MAGI1: variants seen among roughly 807,000 people sequenced by gnomAD.
MAGI1 encodes membrane associated guanylate kinase, WW and PDZ domain containing 1.
MAGI1 carries 58 observed loss-of-function variants against 139.9 expected under a neutral mutation model. That is an observed-to-expected ratio of 0.41 (90% CI 0.34 to 0.52). The LOEUF (loss-of-function observed/expected upper bound fraction) is 0.52, where lower values mean the gene tolerates loss of function less well. Ranked by LOEUF, MAGI1 falls within the 20% of genes least tolerant of loss-of-function variation. MAGI1 has a pLI of 0.12. For synonymous variants in MAGI1, 812 were observed against 737.9 expected, an observed-to-expected ratio of 1.10 and a Z score of -1.63; for missense variants, 1,874 against 1,901.6, an observed-to-expected ratio of 0.99 and a Z score of 0.27.
intron 1 of MAGI1, among the ~76,000 whole-genome samples, chr3:65,839,077 T>C (rs962219375): frequency 2.6e-5 from 4 of 152,364 alleles, no homozygotes; most frequent in African/African-American, 9.6e-5. Context: ...GAGACATCTT[T>C]ATAAATTCTA....
intron 1 of MAGI1, among the ~76,000 whole-genome samples, chr3:65,676,423 G>A (rs1221123511): frequency 1.3e-5 from 2 of 152,116 alleles, no homozygotes; most frequent in Non-Finnish European, 2.9e-5. Flanking sequence ...TGGAGCAGAG[G>A]CTTTTGGTTT....
rs183759413 is a variant in MAGI1, at chr3:66,014,830, C to T, written c.313+23166G>A. Reference sequence around the variant, plus strand: ...TAAGACACTCTGGGTCCATGGTACACTTGGAATTTTCCTGCCTCCAGGCCT... The same window carrying T: ...TAAGACACTCTGGGTCCATGGTACATTTGGAATTTTCCTGCCTCCAGGCCT... On this transcript the variant is annotated intron_variant, in intron 1 of 22. Transcript: ENST00000402939. Among the ~76,000 whole-genome samples the T allele has an allele frequency of 2.4e-4, 37 of 152,300 alleles. No homozygotes were observed. The East Asian group carries it at 6.8e-3, about 28-fold the overall frequency.
At chr3:65,652,872 G>A (rs1041489771) in intron 1 of MAGI1, among the ~76,000 whole-genome samples, 9 of 152,148 alleles carry the variant, frequency 5.9e-5, no homozygotes, top group Non-Finnish European at 1.2e-4. Flanking sequence ...TTATTATGGG[G>A]CATACCTGAG....
chr3:65,901,404 T>C lies in MAGI1; in HGVS notation c.313+136592A>G, dbSNP rs554551456. Among the ~76,000 whole-genome samples the C allele has an allele frequency of 8.7e-4, 133 of 152,330 alleles. 1 individual carries two copies. Among genetic ancestry groups the C allele is most frequent in the Non-Finnish European group, 1.7e-3 (116 of 68,034 alleles). ...ACGAAATTGGCTGGAGATATGAGCG[T>C]TGTTTTTACAATGTTTTAGTATCTG... is the stretch of plus-strand genomic sequence containing the variant. On this transcript the variant is annotated intron_variant, in intron 1 of 22. Transcript: ENST00000402939.
chr3:66,023,289 G>T (rs919382223), intron 1 of MAGI1, among the ~76,000 whole-genome samples: 1 of 152,254 alleles, frequency 6.6e-6, no homozygotes, highest in African/African-American at 2.4e-5. Context: ...CACAGTACAA[G>T]TCCAAACCAA....
At chr3:65,550,814 T>A (rs1443023831) in intron 2 of MAGI1, among the ~76,000 whole-genome samples, 5 of 139,468 alleles carry the variant, frequency 3.6e-5, no homozygotes, top group Non-Finnish European at 7.9e-5. Flanking sequence ...AAAAAAAAAA[T>A]ACAAAAATTA....
intron 1 of MAGI1, among the ~76,000 whole-genome samples, chr3:65,899,990 A>C (rs1343273989): frequency 6.6e-6 from 1 of 152,180 alleles, no homozygotes; most frequent in East Asian, 1.9e-4. Flanking sequence ...CTTGCAGTTA[A>C]TCACTTACAT....
chr3:65,363,637 C>T, intron 20 of MAGI1, 29 bp from the exon 21 acceptor site: 1 of 1,600,486 alleles, frequency 6.2e-7, no homozygotes, highest in Non-Finnish European at 8.5e-7. Flanking sequence ...TGCAATCATT[C>T]TAGGAGAACT....
intron 14 of MAGI1, among the ~76,000 whole-genome samples, chr3:65,389,927 A>G (rs1422169442): frequency 6.6e-6 from 1 of 152,046 alleles, no homozygotes; most frequent in East Asian, 1.9e-4. Context: ...AACCAGCAAG[A>G]CTCCAGGCTC....
At chr3:65,562,482 T>C (rs986298557) in intron 2 of MAGI1, among the ~76,000 whole-genome samples, 9 of 152,202 alleles carry the variant, frequency 5.9e-5, no homozygotes, top group Non-Finnish European at 1.2e-4. Context: ...TTGTTCTTTG[T>C]TGTGTTTTTT....
chr3:65,617,436 T>C (rs1271386028), intron 2 of MAGI1, among the ~76,000 whole-genome samples: 1 of 152,182 alleles, frequency 6.6e-6, no homozygotes, highest in Non-Finnish European at 1.5e-5. Flanking sequence ...TTTATCTTCA[T>C]GGGAAAAGCG....
At chr3:65,778,204 C>T (rs568415629) in intron 1 of MAGI1, among the ~76,000 whole-genome samples, 14 of 152,084 alleles carry the variant, frequency 9.2e-5, no homozygotes, top group African/African-American at 1.7e-4. Context: ...CCAAGGCTGG[C>T]GGATCACCTG....
chr3:65,399,399 C>A (rs1196246096), intron 13 of MAGI1, among the ~76,000 whole-genome samples: 1 of 152,206 alleles, frequency 6.6e-6, no homozygotes, highest in Non-Finnish European at 1.5e-5. Flanking sequence ...TCACTGATCA[C>A]AGATGTTAGC....
chr3:65,461,587 C>A (rs1378601328), intron 5 of MAGI1, among the ~76,000 whole-genome samples: 1 of 150,404 alleles, frequency 6.6e-6, no homozygotes, highest in Non-Finnish European at 1.5e-5. Flanking sequence ...CTCCCGGGTT[C>A]ACGCCATTCT....
At chr3:65,842,842 G>A (rs1198558934) in intron 1 of MAGI1, among the ~76,000 whole-genome samples, 1 of 152,198 alleles carries the variant, frequency 6.6e-6, no homozygotes, top group African/African-American at 2.4e-5. Context: ...AGTCTGACAT[G>A]TATGTTAATC....
chr3:65,897,968 C>T (rs951983774), intron 1 of MAGI1, among the ~76,000 whole-genome samples: 3 of 152,014 alleles, frequency 2.0e-5, no homozygotes, highest in African/African-American at 7.2e-5. Flanking sequence ...CTTTTAAAGG[C>T]ATACTGTTTT....
At chr3:65,753,567 CA>C (rs2036326066) in intron 1 of MAGI1, among the ~76,000 whole-genome samples, 1 of 151,828 alleles carries the variant, frequency 6.6e-6, no homozygotes, top group South Asian at 2.1e-4. Flanking sequence ...ACTAAAAATA[CA>C]AAATCAGCCA....
intron 1 of MAGI1, among the ~76,000 whole-genome samples, chr3:65,776,354 G>C (rs939433195): frequency 6.6e-6 from 1 of 150,386 alleles, no homozygotes; most frequent in African/African-American, 2.4e-5. Context: ...TCAAAAAAAA[G>C]TGATTAGGTA....
chr3:65,839,259 A>G (rs2058727175), intron 1 of MAGI1, among the ~76,000 whole-genome samples: 2 of 152,094 alleles, frequency 1.3e-5, no homozygotes, highest in Admixed American at 1.3e-4. Context: ...ATACTGATGT[A>G]AAAAAAACCT....
Sources: gnomAD v4.1 joint callset for allele counts (sites outside exome capture counted in the v4.1 genomes callset) on GRCh38, gnomAD v4.1.1 for gene constraint, MANE v1.5 for transcripts, NCBI Gene and HGNC (gene_info 2026-07-23, HGNC 2026-07-21) for gene names.